BMPR1A: variants seen among roughly 807,000 people sequenced by gnomAD.
The protein encoded by BMPR1A is bone morphogenetic protein receptor type 1A, also known as bone morphogenetic protein receptor type-1A.
In BMPR1A, 7 loss-of-function variants were observed where a neutral mutation model predicts 66.0. That is an observed-to-expected ratio of 0.11 (90% CI 0.06 to 0.20). BMPR1A has a LOEUF of 0.20. Among genes scored for constraint, BMPR1A ranks in the 10% least tolerant of loss-of-function variants. The pLI is 1.00. For synonymous variants in BMPR1A, 200 were observed against 229.7 expected, an observed-to-expected ratio of 0.87 and a Z score of 1.17; for missense variants, 408 against 669.1, an observed-to-expected ratio of 0.61 and a Z score of 4.31.
chr10:86,837,898 C>T (rs755914284), intron 1 of BMPR1A, among the ~76,000 whole-genome samples: 1 of 152,192 alleles, frequency 6.6e-6, no homozygotes, highest in Non-Finnish European at 1.5e-5. Context: ...TATGCTAGAC[C>T]GTTTCAGGTT....
At chr10:86,766,906 C>T (rs1178615168) in intron 1 of BMPR1A, among the ~76,000 whole-genome samples, 5 of 151,706 alleles carry the variant, frequency 3.3e-5, no homozygotes, top group Admixed American at 3.3e-4. Context: ...TCACTGCAGC[C>T]TCTGCCTCCC....
At chr10:86,881,841 C>T (rs1166070477) in intron 3 of BMPR1A, among the ~76,000 whole-genome samples, 1 of 151,976 alleles carries the variant, frequency 6.6e-6, no homozygotes, top group Non-Finnish European at 1.5e-5. Context: ...AAGGAAACTA[C>T]TAAAGTAATT....
chr10:86,867,792 A>G (rs1289304887), intron 2 of BMPR1A, among the ~76,000 whole-genome samples: 2 of 152,354 alleles, frequency 1.3e-5, no homozygotes, highest in East Asian at 1.9e-4. Context: ...CATCAACTAT[A>G]TATAATGCTA....
At chr10:86,799,874 A>G (rs1489556318) in intron 1 of BMPR1A, among the ~76,000 whole-genome samples, 2 of 152,158 alleles carry the variant, frequency 1.3e-5, no homozygotes, top group African/African-American at 2.4e-5. Flanking sequence ...TCAAAATGCA[A>G]ATATAGTAAA....
intron 3 of BMPR1A, among the ~76,000 whole-genome samples, chr10:86,885,403 A>G (rs553346182): frequency 6.6e-6 from 1 of 152,356 alleles, no homozygotes; most frequent in East Asian, 1.9e-4. Flanking sequence ...CTTGGGGCCC[A>G]CAAAACCAAT....
intron 2 of BMPR1A, among the ~76,000 whole-genome samples, chr10:86,865,653 A>T (rs989008211): frequency 1.3e-5 from 2 of 152,228 alleles, no homozygotes; most frequent in African/African-American, 4.8e-5. Context: ...AAAAGAAATT[A>T]TCTTCCCCTG....
intron 1 of BMPR1A, among the ~76,000 whole-genome samples, chr10:86,798,488 C>T (rs1357628997): frequency 6.6e-6 from 1 of 152,018 alleles, no homozygotes; most frequent in Non-Finnish European, 1.5e-5. Flanking sequence ...TTTTAAAATA[C>T]TGAAGTTTAT....
chr10:86,852,541 G>T (rs1842585361), intron 2 of BMPR1A, among the ~76,000 whole-genome samples: 1 of 152,118 alleles, frequency 6.6e-6, no homozygotes, highest in Non-Finnish European at 1.5e-5. Flanking sequence ...ACTCTAGCCT[G>T]GACTACAGAG....
chr10:86,854,021 T>G (rs544050900), intron 2 of BMPR1A, among the ~76,000 whole-genome samples: 3 of 152,290 alleles, frequency 2.0e-5, no homozygotes, highest in African/African-American at 7.2e-5. Context: ...AGGGCTTATT[T>G]CATCCCTACA....
chr10:86,846,205 C>T (rs1432750711), intron 2 of BMPR1A, among the ~76,000 whole-genome samples: 4 of 152,008 alleles, frequency 2.6e-5, no homozygotes, highest in African/African-American at 4.8e-5. Flanking sequence ...GGTTCTGCAC[C>T]CTCCTTGTTA....
chr10:86,770,876 TTAAGAGCCTTAAGTTCCCA>T (rs1841247876), intron 1 of BMPR1A, among the ~76,000 whole-genome samples: 1 of 152,208 alleles, frequency 6.6e-6, no homozygotes, highest in Non-Finnish European at 1.5e-5. Context: ...AGACCCTTTG[TTAAGAGCCTTAAGTTCCCA>T]TTACCTTAAG....
rs1170528628 is a variant in BMPR1A at position 86,906,718 on chromosome 10, C to T, written c.531-5522C>T. Reference sequence around the variant, plus strand: ...CAGCCTGGGCGACAGAGTGAGACTCCGTCTCAAAAAAAAAAAAAAAAAAAA... The same window carrying T: ...CAGCCTGGGCGACAGAGTGAGACTCTGTCTCAAAAAAAAAAAAAAAAAAAA... On this transcript the variant is annotated intron_variant, in intron 7 of 12. Transcript: ENST00000372037. 1.2e-4 allele frequency among the ~76,000 whole-genome samples: 8 copies of T among 67,732 alleles called. 2 individuals carry two copies. The highest frequency in any genetic ancestry group is 3.1e-4 in the East Asian group (1 of 3,274). 44.4% of individuals were successfully genotyped at this position (67,732 alleles called of 152,430 possible).
At chr10:86,845,331 C>T (rs1363062354) in intron 2 of BMPR1A, among the ~76,000 whole-genome samples, 1 of 152,196 alleles carries the variant, frequency 6.6e-6, no homozygotes, top group Non-Finnish European at 1.5e-5. Flanking sequence ...ATGTACCTCA[C>T]TGTTGTCCCA....
chr10:86,826,705 C>G (rs149772578), intron 1 of BMPR1A, among the ~76,000 whole-genome samples: 1 of 150,490 alleles, frequency 6.6e-6, no homozygotes, highest in African/African-American at 2.4e-5. Context: ...GTTTTTTTTC[C>G]GCTGTATAAT....
chr10:86,755,976 G>A (rs926082177), upstream of BMPR1A: 1 of 152,386 alleles, frequency 6.6e-6, no homozygotes, highest in East Asian at 1.9e-4. Context: ...GGGTGGGCGA[G>A]AAACAAATGC....
chr10:86,919,581 G>T, intron 10 of BMPR1A, 112 bp downstream of exon 10: 1 of 1,412,798 alleles, frequency 7.1e-7, no homozygotes, highest in Non-Finnish European at 9.7e-7. Context: ...CTTGTTTTTA[G>T]TTACATAAAT....
chr10:86,924,024 T>C lies in BMPR1A; in HGVS notation c.*305T>C. On this transcript the variant is annotated 3_prime_UTR_variant, in exon 13 of 13. Coordinates refer to ENST00000372037, the MANE Select transcript of BMPR1A (RefSeq NM_004329.3). ...TCCTGATTAGTGTCTCCAGTCAAGC[T>C]CTGGGTACTGAATTGCCTGTTCATA... 2.2e-6 allele frequency: 1 copy of C among 445,656 alleles called. No homozygotes were observed. The highest frequency in any genetic ancestry group is 4.2e-6 in the Non-Finnish European group (1 of 240,520). The allele number at this position is 445,656 out of a possible 1,614,324, so 27.6% of individuals were successfully genotyped here.
rs1002754333 is a variant in BMPR1A at position 86,761,396 on chromosome 10, A to G, written c.-268+4477A>G. Among the ~76,000 whole-genome samples the G allele has an allele frequency of 3.9e-5, 6 of 152,336 alleles. 1 individual carries two copies. In the South Asian group the frequency reaches 6.2e-4, roughly 16 times the overall value. On this transcript the variant is annotated intron_variant, in intron 1 of 12. Transcript: ENST00000372037. ...CTTGGCTCTTGATCCAGCTGTATAT[A>G]ATTGGCTGTTGACTTATGAAGGAGG...
chr10:86,884,316 G>C (rs946399282), intron 3 of BMPR1A, among the ~76,000 whole-genome samples: 5 of 149,054 alleles, frequency 3.4e-5, no homozygotes, highest in Non-Finnish European at 7.4e-5. Context: ...GAACTCCTGA[G>C]CTCAAGCATC....
Sources: gnomAD v4.1 joint callset for allele counts (sites outside exome capture counted in the v4.1 genomes callset) on GRCh38, gnomAD v4.1.1 for gene constraint, MANE v1.5 for transcripts, NCBI Gene and HGNC (gene_info 2026-07-23, HGNC 2026-07-21) for gene names.